PDE11A: variants seen among roughly 807,000 people sequenced by gnomAD.
The protein encoded by PDE11A is phosphodiesterase 11A.
A neutral mutation model predicts 100.5 loss-of-function variants in PDE11A; 100 were observed. The ratio of observed to expected loss-of-function variants is 1.00; its 90% CI spans 0.85 to 1.18. The LOEUF (loss-of-function observed/expected upper bound fraction) is 1.18, where lower values mean the gene tolerates loss of function less well. PDE11A is among the 50% of genes most tolerant of loss of function. PDE11A has a pLI of 0.00. For synonymous variants in PDE11A, 381 were observed against 420.8 expected (o/e 0.91, Z 1.16); for missense variants, 1,141 against 1,152.6 (o/e 0.99, Z 0.15).
chr2:178,058,121 G>A (rs1003913583), intron 1 of PDE11A, among the ~76,000 whole-genome samples: 8 of 152,094 alleles, frequency 5.3e-5, no homozygotes, highest in Non-Finnish European at 1.0e-4. Flanking sequence ...CTCCCAAAGC[G>A]CTGGGATTAC....
chr2:178,106,539 C>G (rs4499456), intron 1 of PDE11A, among the ~76,000 whole-genome samples: 130,527 of 152,170 alleles, frequency 0.86, 56,728 homozygotes, highest in Non-Finnish European at 0.92. Context: ...TAAAACTTCA[C>G]TCACAAAAGC....
intron 3 of PDE11A, among the ~76,000 whole-genome samples, chr2:177,904,311 T>C (rs1409778957): frequency 6.6e-6 from 1 of 152,210 alleles, no homozygotes; most frequent in African/African-American, 2.4e-5. Flanking sequence ...TTTGCATTAT[T>C]GTTCCAAGTA....
intron 5 of PDE11A, among the ~76,000 whole-genome samples, chr2:177,842,294 G>A (rs74443905): frequency 0.011 from 1,721 of 152,278 alleles, 26 homozygotes; most frequent in East Asian, 0.075. Context: ...CAAGGAAGGA[G>A]CCAGTTTTAC....
At chr2:177,849,886 G>T (rs929666771) in intron 5 of PDE11A, among the ~76,000 whole-genome samples, 1 of 152,010 alleles carries the variant, frequency 6.6e-6, no homozygotes, top group Non-Finnish European at 1.5e-5. Flanking sequence ...AATAAAAGAG[G>T]ATACAAAGAA....
At chr2:177,809,467 T>C (rs2082916843) in intron 9 of PDE11A, among the ~76,000 whole-genome samples, 1 of 152,112 alleles carries the variant, frequency 6.6e-6, no homozygotes, top group African/African-American at 2.4e-5. Context: ...TAACAGGAGA[T>C]TCCCAGCCAG....
intron 1 of PDE11A, among the ~76,000 whole-genome samples, chr2:178,055,812 T>G (rs1169952210): frequency 6.6e-6 from 1 of 151,278 alleles, no homozygotes; most frequent in Non-Finnish European, 1.5e-5. Flanking sequence ...AAAGCTGGCC[T>G]TATTATTTAG....
At chr2:177,727,378 T>C (rs1449980873) in intron 12 of PDE11A, among the ~76,000 whole-genome samples, 3 of 152,168 alleles carry the variant, frequency 2.0e-5, no homozygotes, top group Non-Finnish European at 2.9e-5. Flanking sequence ...TTTAAAAATC[T>C]GAGCATTTCT....
At chr2:177,759,511 T>C (rs932187285) in intron 10 of PDE11A, among the ~76,000 whole-genome samples, 11 of 152,218 alleles carry the variant, frequency 7.2e-5, no homozygotes, top group African/African-American at 2.2e-4. Context: ...CAATCTCATA[T>C]CCTTGTTATC....
chr2:178,105,789 C>T, intron 1 of PDE11A: 2 of 911,330 alleles, frequency 2.2e-6, no homozygotes, highest in South Asian at 4.4e-5. Context: ...TCCACCCCTC[C>T]CTATCTCACC....
intron 15 of PDE11A, chr2:177,687,300 C>T (rs559615395): frequency 1.3e-5 from 2 of 152,124 alleles, no homozygotes; most frequent in African/African-American, 4.8e-5. Flanking sequence ...TTCCCACTCA[C>T]CATACAATGA....
At chr2:177,812,496 T>C (rs937745429) in intron 9 of PDE11A, among the ~76,000 whole-genome samples, 4 of 152,128 alleles carry the variant, frequency 2.6e-5, no homozygotes, top group Non-Finnish European at 5.9e-5. Context: ...GGTAGATCAA[T>C]GGGACAAAGT....
intron 2 of PDE11A, among the ~76,000 whole-genome samples, chr2:177,928,533 T>C (rs1423988345): frequency 7.0e-6 from 1 of 142,678 alleles, no homozygotes; most frequent in Non-Finnish European, 1.5e-5. Context: ...GAGAGAGAAC[T>C]GTAGAAAACT....
chr2:177,713,506 A>G (rs10187879), intron 12 of PDE11A, among the ~76,000 whole-genome samples: 1 of 152,048 alleles, frequency 6.6e-6, no homozygotes, highest in Non-Finnish European at 1.5e-5. Context: ...GGGTAGATCA[A>G]CTGAGGTCAG....
chr2:177,732,754 CT>C (rs778220320), intron 10 of PDE11A, among the ~76,000 whole-genome samples: 2 of 152,262 alleles, frequency 1.3e-5, no homozygotes, highest in East Asian at 3.9e-4. Context: ...TTGACCTTGT[CT>C]TTTTTTCCCC....
intron 2 of PDE11A, among the ~76,000 whole-genome samples, chr2:177,928,992 T>A (rs1017586242): frequency 3.3e-5 from 5 of 152,096 alleles, no homozygotes; most frequent in African/African-American, 1.2e-4. Flanking sequence ...CTCTTTTAGG[T>A]CGACATGGGG....
At chr2:178,075,694 T>C (rs1190472887), upstream of PDE11A, among the ~76,000 whole-genome samples, 2 of 152,114 alleles carry the variant, frequency 1.3e-5, no homozygotes. Context: ...TAGAAGGTAT[T>C]GAAGCCTGTT....
chr2:177,781,224 C>G (rs771928124), intron 9 of PDE11A, among the ~76,000 whole-genome samples: 4 of 152,170 alleles, frequency 2.6e-5, no homozygotes, highest in Non-Finnish European at 4.4e-5. Context: ...AGCTGGTCAG[C>G]AGAGCAGTCA....
At position 177,840,221 on chromosome 2, in the gene PDE11A, T is replaced by C. The variant is rs2083468372; in HGVS notation, c.1500+30A>G. ...TTTCAACAGTGCGACAACTGAAACT[T>C]AGGATTGCAACCAGAGGGGCTCCTC... On this transcript the variant is annotated intron_variant, in intron 6 of 19. Transcript: ENST00000286063. 4 of 1,612,722 alleles carry C rather than the reference T, an allele frequency of 2.5e-6. No homozygotes were observed. The South Asian group carries it at 4.4e-5, about 18-fold the overall frequency.
chr2:177,636,405 C>T (rs1357014675), intron 19 of PDE11A, among the ~76,000 whole-genome samples: 1 of 152,170 alleles, frequency 6.6e-6, no homozygotes, highest in Non-Finnish European at 1.5e-5. Context: ...ACTGAAATCT[C>T]TTACAGCATA....
Sources: gnomAD v4.1 joint callset for allele counts (sites outside exome capture counted in the v4.1 genomes callset) on GRCh38, gnomAD v4.1.1 for gene constraint, MANE v1.5 for transcripts, NCBI Gene and HGNC (gene_info 2026-07-23, HGNC 2026-07-21) for gene names.